The following RGS3 variants were observed in gnomAD, a reference collection of about 807,000 sequenced individuals.
RGS3 encodes regulator of G protein signaling 3, also known as regulator of G-protein signalling 3.
RGS3 carries 80 observed loss-of-function variants against 132.6 expected under a neutral mutation model. The observed-to-expected ratio is 0.60, with a 90% confidence interval of 0.50 to 0.73. The LOEUF is 0.73. Among genes scored for constraint, RGS3 ranks in the 30% least tolerant of loss-of-function variants. The pLI is 0.00. For missense variants in RGS3, 1,382 were observed against 1,530.8 expected (o/e 0.90, Z 1.62); for synonymous variants, 598 against 620.6 (o/e 0.96, Z 0.54).
chr9:113,569,192 G>A (rs746086307), intron 19 of RGS3, among the ~76,000 whole-genome samples: 16 of 152,138 alleles, frequency 1.1e-4, no homozygotes, highest in Middle Eastern at 3.2e-3. Context: ...CATGCTTTTC[G>A]CCACATAGCC....
intron 7 of RGS3, among the ~76,000 whole-genome samples, chr9:113,494,506 G>T (rs1005382280): frequency 6.6e-6 from 1 of 152,122 alleles, no homozygotes; most frequent in Non-Finnish European, 1.5e-5. Context: ...CCTCCTGTTA[G>T]TGCTGACTTG....
chr9:113,511,868 T>G (rs780656863), intron 14 of RGS3, among the ~76,000 whole-genome samples: 3 of 152,204 alleles, frequency 2.0e-5, no homozygotes, highest in Admixed American at 6.5e-5. Flanking sequence ...TAAATTAGAC[T>G]GTCTAGATCC....
At chr9:113,533,333 C>A (rs542048740) in intron 18 of RGS3, among the ~76,000 whole-genome samples, 9 of 151,496 alleles carry the variant, frequency 5.9e-5, no homozygotes, top group Non-Finnish European at 1.2e-4. Context: ...TGGGTTCAAG[C>A]GATTCTCCTG....
exon 3 of RGS3, chr9:113,462,024 T>C: frequency 3.1e-6 from 5 of 1,613,334 alleles, no homozygotes; most frequent in Non-Finnish European, 4.2e-6. Flanking sequence ...CCTGCAGGTC[T>C]GCCACGTCTC....
chr9:113,489,828 T>A (rs191401458), intron 7 of RGS3, among the ~76,000 whole-genome samples: 1 of 152,270 alleles, frequency 6.6e-6, no homozygotes, highest in Non-Finnish European at 1.5e-5. Context: ...CCGCAGAATT[T>A]ATAATGGAGT....
chr9:113,555,010 T>C (rs1192545966), intron 19 of RGS3, among the ~76,000 whole-genome samples: 1 of 152,252 alleles, frequency 6.6e-6, no homozygotes, highest in Non-Finnish European at 1.5e-5. Context: ...GGAACTCTTA[T>C]TAATTTTTTC....
At chr9:113,513,590 G>A (rs982777962) in intron 14 of RGS3, among the ~76,000 whole-genome samples, 2 of 152,112 alleles carry the variant, frequency 1.3e-5, no homozygotes, top group Non-Finnish European at 2.9e-5. Context: ...AGTGAACTTA[G>A]AGTATTTCAT....
At chr9:113,584,075 TGGAGGAGGG>T in exon 20 of RGS3, 1 of 1,611,120 alleles carries the variant, frequency 6.2e-7, no homozygotes, top group Non-Finnish European at 8.5e-7. Context: ...GCCGAGGAGG[TGGAGGAGGG>T]GGAGGAAGGG....
chr9:113,547,149 C>T (rs1833149489), intron 19 of RGS3, among the ~76,000 whole-genome samples: 1 of 152,144 alleles, frequency 6.6e-6, no homozygotes, highest in African/African-American at 2.4e-5. Context: ...TCCATGGAAA[C>T]ATTTCCATGA....
rs1740395565 is a variant in RGS3 at position 113,594,832 on chromosome 9, C to G, written c.3183-87C>G. On this transcript the variant is annotated intron_variant, in intron 22 of 24. Transcript: ENST00000350696. ...GCTCAGCTGCAGACTGGGCCCAGGG[C>G]AGTAAACAAAGGCCGCCTGGCCCAG... is the stretch of plus-strand genomic sequence containing the variant. 5.5e-6 allele frequency: 7 copies of G among 1,273,434 alleles called. No homozygotes were observed. The African/African-American group carries it at 8.8e-5, about 16-fold the overall frequency. The allele number at this position is 1,273,434 out of a possible 1,614,324, so 78.9% of individuals were successfully genotyped here.
intron 19 of RGS3, among the ~76,000 whole-genome samples, chr9:113,574,420 G>A (rs780607587): frequency 4.6e-5 from 7 of 152,198 alleles, no homozygotes; most frequent in Non-Finnish European, 8.8e-5. Context: ...GTAGCAGGTG[G>A]GTGAGAGATG....
At chr9:113,517,761 C>T (rs1158580839) in intron 16 of RGS3, 137 bp downstream of exon 14, 2 of 621,302 alleles carry the variant, frequency 3.2e-6, no homozygotes, top group South Asian at 4.2e-5. Flanking sequence ...GAGAAGGACC[C>T]CGCCACTCTC....
chr9:113,445,097 A>C (rs1256913023), intron 1 of RGS3, among the ~76,000 whole-genome samples: 1 of 152,198 alleles, frequency 6.6e-6, no homozygotes. Flanking sequence ...TATTTCCAAG[A>C]AACTAGTCCT....
intron 10 of RGS3, chr9:113,501,650 TG>T: frequency 6.4e-7 from 1 of 1,556,586 alleles, no homozygotes. Flanking sequence ...TGGCCTCTTG[TG>T]GGGAGCCTGT....
At chr9:113,447,027 C>T (rs766230153) in intron 1 of RGS3, among the ~76,000 whole-genome samples, 28 of 151,588 alleles carry the variant, frequency 1.8e-4, no homozygotes, top group Admixed American at 3.3e-4. Flanking sequence ...TTTGGAAAGC[C>T]GAGGTGGGTG....
At chr9:113,595,701 C>T (rs1835737382) in exon 24 of RGS3, 2 of 1,614,038 alleles carry the variant, frequency 1.2e-6, no homozygotes, top group African/African-American at 1.3e-5. Flanking sequence ...AAGTCACAGT[C>T]CAAGATGGCA....
intron 16 of RGS3, among the ~76,000 whole-genome samples, chr9:113,518,132 C>A (rs1331777733): frequency 1.3e-5 from 2 of 152,196 alleles, no homozygotes; most frequent in Non-Finnish European, 2.9e-5. Flanking sequence ...TTCCTGGGAG[C>A]TGGCCTGGGA....
Position 113,535,583 on chromosome 9 carries a change from G to C in RGS3, c.1915-1213G>C, listed in dbSNP as rs145468821. Among the ~76,000 whole-genome samples the C allele has an allele frequency of 2.8e-3, 426 of 152,352 alleles. 7 individuals are homozygous for C. Among genetic ancestry groups the C allele is most frequent in the East Asian group, 0.027 (140 of 5,188 alleles). On this transcript the variant is annotated intron_variant, in intron 18 of 24. Transcript: ENST00000350696. ...CTCCTAGTAGCTCTGAAAGCCAGGT[G>C]ATGCCATTATATCCCCATTTCACAG...
intron 19 of RGS3, among the ~76,000 whole-genome samples, chr9:113,554,162 T>C (rs549105057): frequency 6.6e-6 from 1 of 152,312 alleles, no homozygotes; most frequent in East Asian, 1.9e-4. Context: ...TTTGCATTCC[T>C]ACTCACAGTG....
Sources: allele counts gnomAD v4.1 joint callset (sites outside exome capture counted in the v4.1 genomes callset), GRCh38; gene constraint gnomAD v4.1.1; transcripts MANE v1.5; gene names NCBI Gene and HGNC (gene_info 2026-07-23, HGNC 2026-07-21).